KIF21B: variants seen among roughly 807,000 people sequenced by gnomAD.
KIF21B encodes the protein kinesin-like protein KIF21B.
Under a neutral mutation model 192.9 loss-of-function variants are expected in KIF21B, and 85 were observed. The observed-to-expected ratio is 0.44, with a 90% CI of 0.37 to 0.53. The LOEUF is 0.53. Ranked by LOEUF, KIF21B falls within the 20% of genes least tolerant of loss-of-function variation. The probability of loss-of-function intolerance (pLI) is 0.00; values close to 1 mark genes in which losing one functional copy is unlikely to be tolerated. For synonymous variants in KIF21B, 832 were observed against 884.6 expected, an observed-to-expected ratio of 0.94 and a Z score of 1.05; for missense variants, 1,716 against 2,194.8, an observed-to-expected ratio of 0.78 and a Z score of 4.36.
intron 5 of KIF21B, 58 bp from the exon 6 acceptor site, chr1:201,004,991 G>A (rs1483252712): frequency 1.3e-6 from 2 of 1,554,852 alleles, no homozygotes; most frequent in Non-Finnish European, 1.8e-6. Flanking sequence ...TGGCTCCCCT[G>A]ATCACAGTAC....
chr1:200,981,688 C>T (rs368725424), intron 28 of KIF21B, among the ~76,000 whole-genome samples: 12 of 152,142 alleles, frequency 7.9e-5, no homozygotes, highest in East Asian at 1.9e-4. Flanking sequence ...TTTGGACCAG[C>T]GGGGTCAAAC....
At chr1:201,004,192 CCT>C in intron 7 of KIF21B, 146 bp downstream of exon 7, 3 of 653,330 alleles carry the variant, frequency 4.6e-6, no homozygotes, top group Non-Finnish European at 8.1e-6. Context: ...TCATAAAGCA[CCT>C]CAAGGTTCCT....
At chr1:200,991,779 T>A (rs1656719100) in intron 16 of KIF21B, 54 bp from the exon 17 acceptor site, 6 of 1,575,818 alleles carry the variant, frequency 3.8e-6, no homozygotes, top group Admixed American at 3.4e-5. Flanking sequence ...TAGCCCTCTC[T>A]GTCTGTGTAC....
In KIF21B at chr1:200,996,250, G is replaced by A. The variant is rs80251189; in HGVS notation, c.2223C>T (p.Tyr741=). 5.2e-3 allele frequency: 8,353 copies of A among 1,613,908 alleles called. 45 individuals are homozygous for A. Among genetic ancestry groups the A allele is most frequent in the Non-Finnish European group, 5.2e-3 (6,150 of 1,180,026 alleles). The part of the protein sequence containing the change: ...HARLLKNQSR[Y]ERELKKLQAE... ...CCTGTAGCTTCTTCAGCTCCCTCTC[G>A]TAGCGCGACTGGTTCTTAAGCAGCC... The change falls in exon 15 of 35, where the codon TAC becomes TAT. Residue 741 remains tyrosine, a synonymous_variant. Coordinates refer to ENST00000461742, the MANE Select transcript of KIF21B (RefSeq NM_001252102.2).
chr1:200,989,879 A>T, intron 21 of KIF21B, 63 bp downstream of exon 21: 1 of 1,331,956 alleles, frequency 7.5e-7, no homozygotes, highest in Non-Finnish European at 1.1e-6. Flanking sequence ...GCTTCACACT[A>T]GGGTATATCA....
chr1:200,981,202 G>A (rs1272802385), intron 28 of KIF21B, 106 bp from the exon 29 acceptor site: 16 of 1,234,728 alleles, frequency 1.3e-5, no homozygotes, highest in African/African-American at 3.1e-5. Flanking sequence ...GAGGGGATGA[G>A]GACCAAATAA....
In KIF21B at chr1:201,009,453, C is replaced by G; in HGVS notation, c.77G>C (p.Gly26Ala). 1.9e-6 allele frequency: 3 copies of G among 1,614,184 alleles called. No individual in the cohort carries two copies. Among genetic ancestry groups the G allele is most frequent in the South Asian group, 1.1e-5 (1 of 91,084 alleles). The change falls in exon 2 of 35, where the codon GGC (glycine) becomes GCC (alanine). Residue 26 changes from glycine (G) to alanine (A), a missense_variant. Gly to Ala is a moderately conservative substitution (Grantham distance 60, BLOSUM62 0). Around this residue, in one of 3 missense-constraint regions of KIF21B, gnomAD observed 1,087 missense variants for 1,316.6 expected, o/e 0.83. Transcript: ENST00000461742. Reference protein sequence around the residue: ...RPQLSKEKIEGCHICTSVTPG... With the variant: ...RPQLSKEKIEACHICTSVTPG... ...GGTAACAGAGGTACAGATGTGACAG[C>G]CCTCAATCTTCTCCTTCGACAGCTG...
intron 1 of KIF21B, among the ~76,000 whole-genome samples, chr1:201,022,454 A>G (rs530346472): frequency 6.6e-6 from 1 of 152,222 alleles, no homozygotes; most frequent in East Asian, 1.9e-4. Flanking sequence ...AAAAACTGGG[A>G]GAAGTGGTGA....
At position 201,000,578 on chromosome 1, in the gene KIF21B, G is replaced by A. The variant is rs1422871934; in HGVS notation, c.1497C>T (p.Asn499=). The A allele has an allele frequency of 6.2e-6, 10 of 1,613,334 alleles. No individual in the cohort carries two copies. The Admixed American group carries it at 1.2e-4, about 19-fold the overall frequency. Residue 499 remains asparagine (N), a synonymous_variant, in exon 11 of 35, where the codon AAC becomes AAT. Coordinates refer to ENST00000461742, the MANE Select transcript of KIF21B (RefSeq NM_001252102.2). The surrounding 1 kb of genome is among the most constrained non-coding windows in gnomAD (Gnocchi z 6.0). ...RTKLLESEAM[N]ESLRRSLSRA... ...GTGAGAGGCTGCGGCGCAGGGACTCGTTCATGGCTTCACTCTCTAGAAGCT... is the reference window on the plus strand; with the variant it reads ...GTGAGAGGCTGCGGCGCAGGGACTCATTCATGGCTTCACTCTCTAGAAGCT...
chr1:200,992,539 G>A, intron 15 of KIF21B, 150 bp from the exon 16 acceptor site: 1 of 793,622 alleles, frequency 1.3e-6, no homozygotes, highest in Non-Finnish European at 2.0e-6. Flanking sequence ...GAAGTGAGGG[G>A]TTCTACCTCC....
At chr1:201,015,055 G>A (rs1262904335) in intron 1 of KIF21B, among the ~76,000 whole-genome samples, 2 of 152,294 alleles carry the variant, frequency 1.3e-5, no homozygotes, top group East Asian at 3.9e-4. Flanking sequence ...GCACATGTTA[G>A]GTCATTACAT....
At chr1:201,010,835 C>A (rs1322891798) in intron 1 of KIF21B, among the ~76,000 whole-genome samples, 7 of 152,188 alleles carry the variant, frequency 4.6e-5, no homozygotes, top group Admixed American at 4.6e-4. Context: ...AAGGTGCTCA[C>A]CTGAGCCTAT....
intron 2 of KIF21B, 60 bp downstream of exon 2, chr1:201,009,206 C>A: frequency 1.3e-6 from 2 of 1,492,810 alleles, no homozygotes; most frequent in South Asian, 1.2e-5. Flanking sequence ...AGCTTTCTCT[C>A]CATTGGATGC....
chr1:201,002,825 T>C, intron 8 of KIF21B: 1 of 156,538 alleles, frequency 6.4e-6, no homozygotes, highest in East Asian at 1.9e-4. Flanking sequence ...TCTTGAAAAT[T>C]TTCTAGCAAA....
chr1:200,986,723 CA>C, intron 26 of KIF21B, 120 bp downstream of exon 26: 1 of 872,814 alleles, frequency 1.1e-6, no homozygotes, highest in Non-Finnish European at 1.8e-6. Context: ...ATGGCTCAGT[CA>C]AGCTGGCCCA....
chr1:201,000,717 C>T lies in KIF21B; in HGVS notation c.1466G>A (p.Arg489Gln). 7 of 1,614,214 alleles carry T rather than the reference C, an allele frequency of 4.3e-6. No individual in the cohort carries two copies. The highest frequency in any genetic ancestry group is 5.9e-6 in the Non-Finnish European group (7 of 1,180,012). Residue 489 changes from arginine (R) to glutamine (Q), a missense_variant and splice_region_variant, in exon 10 of 35, where the codon CGG (arginine) becomes CAG (glutamine). Physicochemically the swap from Arg to Gln is conservative, Grantham distance 43 (BLOSUM62 1). Around this residue, in one of 3 missense-constraint regions of KIF21B, gnomAD observed 1,087 missense variants for 1,316.6 expected, o/e 0.83. Coordinates refer to ENST00000461742, the MANE Select transcript of KIF21B (RefSeq NM_001252102.2). This position sits in a 1 kb window ranked among gnomAD's most constrained non-coding sequence, Gnocchi z 6.0. ...CACCTGCCGGAGCTCACTCACTCAC[C>T]GTAGCTCCTCGATCTCCCGGATGTA... ...QNYIREIEEL[R>Q]TKLLESEAMN...
In KIF21B at chr1:201,023,016, G is replaced by C. The variant is rs958335962; in HGVS notation, c.41+327C>G. Reference sequence around the variant, plus strand: ...CAGCAGCCTCGTGGGGAGGCGAAGAGGAAACGCACAGACGCTCCGGCCTGG... The same window carrying C: ...CAGCAGCCTCGTGGGGAGGCGAAGACGAAACGCACAGACGCTCCGGCCTGG... On this transcript the variant is annotated intron_variant, in intron 1 of 34. Coordinates refer to ENST00000461742, the MANE Select transcript of KIF21B (RefSeq NM_001252102.2). The surrounding 1 kb of genome is among the most constrained non-coding windows in gnomAD (Gnocchi z 5.9). 1.3e-5 allele frequency among the ~76,000 whole-genome samples: 2 copies of C among 152,252 alleles called. No homozygotes were observed. Among genetic ancestry groups the C allele is most frequent in the African/African-American group, 4.8e-5 (2 of 41,478 alleles).
At chr1:200,978,890 G>A (rs932554197) in intron 30 of KIF21B, among the ~76,000 whole-genome samples, 5 of 151,886 alleles carry the variant, frequency 3.3e-5, no homozygotes, top group African/African-American at 1.2e-4. Context: ...GGGTCTCCCT[G>A]TGTTGCCCAG....
At position 200,980,496 on chromosome 1, in the gene KIF21B, C is replaced by T. The variant is rs530678539; in HGVS notation, c.3979+464G>A. 4.6e-5 allele frequency among the ~76,000 whole-genome samples: 7 copies of T among 152,364 alleles called. 1 individual carries two copies. In the South Asian group the frequency reaches 8.3e-4, roughly 18 times the overall value. On this transcript the variant is annotated intron_variant, in intron 29 of 34. Coordinates refer to ENST00000461742, the MANE Select transcript of KIF21B (RefSeq NM_001252102.2). ...CAAACTCCTGGGCTTAAGCAATTCTCTTGCCTCATGCTTCCAAAGTGCTGC... is the reference window on the plus strand; with the variant it reads ...CAAACTCCTGGGCTTAAGCAATTCTTTTGCCTCATGCTTCCAAAGTGCTGC...
Sources: gnomAD v4.1 joint callset for allele counts (sites outside exome capture counted in the v4.1 genomes callset) on GRCh38, gnomAD v4.1.1 for gene constraint, gnomAD v4.1.1 regional missense constraint, Gnocchi (gnomAD v3.1) non-coding constraint, MANE v1.5 for transcripts, NCBI Gene and HGNC (gene_info 2026-07-23, HGNC 2026-07-21) for gene names.